The following PRELID2 variants were observed in gnomAD, a reference collection of about 807,000 sequenced individuals.
The protein encoded by PRELID2 is PRELI domain-containing protein 2.
In PRELID2, 25 loss-of-function variants were observed where a neutral mutation model predicts 28.4. The observed-to-expected ratio is 0.88, with a 90% confidence interval of 0.64 to 1.23. PRELID2 has a LOEUF of 1.23. PRELID2 is among the 50% of genes most tolerant of loss of function. The pLI is 0.00. For missense variants in PRELID2, 201 were observed against 214.4 expected, an observed-to-expected ratio of 0.94 and a Z score of 0.39; for synonymous variants, 76 against 71.6, an observed-to-expected ratio of 1.06 and a Z score of -0.31.
At chr5:145,267,611 A>T in the PRELID2 span, among the ~76,000 whole-genome samples, 1 of 152,212 alleles carries the variant, frequency 6.6e-6, no homozygotes, top group Admixed American at 6.5e-5. Context: ...ACAGTGCTGC[A>T]ATAAATGCAG....
chr5:145,275,496 G>C, the PRELID2 span, among the ~76,000 whole-genome samples: 1 of 152,182 alleles, frequency 6.6e-6, no homozygotes, highest in South Asian at 2.1e-4. Flanking sequence ...TGAGAAAATA[G>C]CATGTTTCCT....
chr5:145,401,753 T>C, the PRELID2 span, among the ~76,000 whole-genome samples: 15 of 151,860 alleles, frequency 9.9e-5, no homozygotes, highest in Non-Finnish European at 1.9e-4. Flanking sequence ...GTTTTTGTTA[T>C]GTATGTGTTT....
the PRELID2 span, among the ~76,000 whole-genome samples, chr5:145,375,594 C>G: frequency 2.0e-5 from 3 of 152,168 alleles, no homozygotes; most frequent in African/African-American, 7.2e-5. Context: ...GTCTGCTGAT[C>G]AGCAGAGACT....
At chr5:145,731,850 A>C (rs1756356813) in intron 1 of PRELID2, among the ~76,000 whole-genome samples, 1 of 152,186 alleles carries the variant, frequency 6.6e-6, no homozygotes. Context: ...AGTAGAAGGG[A>C]GATAAGGAGA....
At chr5:145,256,161 G>A in the PRELID2 span, among the ~76,000 whole-genome samples, 62 of 151,940 alleles carry the variant, frequency 4.1e-4, 1 homozygote, top group African/African-American at 1.2e-3. Context: ...TTTTCTTGCC[G>A]TATCAGCTTC....
chr5:145,570,993 C>T (rs1446560504), intron 1 of PRELID2, among the ~76,000 whole-genome samples: 1 of 152,186 alleles, frequency 6.6e-6, no homozygotes, highest in Non-Finnish European at 1.5e-5. Context: ...ACATGCTGGG[C>T]TCTTAATAAA....
chr5:145,518,145 ATAATAATAAT>A (rs1752534175), intron 1 of PRELID2, among the ~76,000 whole-genome samples: 1 of 73,300 alleles, frequency 1.4e-5, no homozygotes, highest in African/African-American at 6.7e-5. Context: ...TATAATAATA[ATAATAATAAT>A]AATAATAATA....
chr5:145,702,833 A>C (rs754199395), intron 1 of PRELID2, among the ~76,000 whole-genome samples: 3 of 152,220 alleles, frequency 2.0e-5, no homozygotes, highest in Non-Finnish European at 2.9e-5. Flanking sequence ...AGCAGCCAAA[A>C]GTCAGAGAAG....
intron 4 of PRELID2, among the ~76,000 whole-genome samples, chr5:145,809,517 C>T (rs780562100): frequency 6.6e-6 from 1 of 152,024 alleles, no homozygotes; most frequent in Non-Finnish European, 1.5e-5. Flanking sequence ...CCTGGGAGAG[C>T]TTTTGCTTTT....
intron 1 of PRELID2, among the ~76,000 whole-genome samples, chr5:145,644,455 A>G (rs545700315): frequency 1.2e-4 from 18 of 151,710 alleles, no homozygotes; most frequent in African/African-American, 3.9e-4. Context: ...GAACTTTTCA[A>G]AAAAAAACAG....
chr5:145,405,972 T>C, the PRELID2 span, among the ~76,000 whole-genome samples: 1 of 152,248 alleles, frequency 6.6e-6, no homozygotes, highest in African/African-American at 2.4e-5. Context: ...CCCAAAGTGC[T>C]GGGGTTACAG....
chr5:145,299,644 CGTGTGTGTGTGTGTGTGTGT>C, the PRELID2 span, among the ~76,000 whole-genome samples: 2 of 109,308 alleles, frequency 1.8e-5, no homozygotes, highest in African/African-American at 5.5e-5. Context: ...TATGTGTGTG[CGTGTGTGTGTGTGTGTGTGT>C]GTGTGTGTGT....
At chr5:145,508,264 A>ATAGAT (rs1442826548) in intron 1 of PRELID2, among the ~76,000 whole-genome samples, 1 of 145,376 alleles carries the variant, frequency 6.9e-6, no homozygotes, top group Non-Finnish European at 1.5e-5. Context: ...AGACAGATAG[A>ATAGAT]TAGATAGATA....
At chr5:145,657,284 T>C (rs1368245329) in intron 1 of PRELID2, among the ~76,000 whole-genome samples, 3 of 152,098 alleles carry the variant, frequency 2.0e-5, no homozygotes, top group Non-Finnish European at 4.4e-5. Flanking sequence ...TTTTTTAAAA[T>C]AGAAAATCAA....
rs1752564050 is a variant in PRELID2 at position 145,521,678 on chromosome 5, G to C, written n.71-48363C>G. 2.6e-5 allele frequency among the ~76,000 whole-genome samples: 4 copies of C among 152,152 alleles called. 1 individual carries two copies. In the South Asian group the frequency reaches 8.3e-4, roughly 32 times the overall value. Reference sequence around the variant, plus strand: ...TTTGTTCTTCAGGGAACAGGTAGCTGTCTATGGCAAGAAATGCAGCCTGGA... The same window carrying C: ...TTTGTTCTTCAGGGAACAGGTAGCTCTCTATGGCAAGAAATGCAGCCTGGA... On this transcript the variant is annotated intron_variant and non_coding_transcript_variant, in intron 1 of 2. Coordinates refer to the PRELID2 transcript ENST00000510259.
chr5:145,486,489 C>T (rs1054628371), intron 1 of PRELID2, among the ~76,000 whole-genome samples: 4 of 152,142 alleles, frequency 2.6e-5, no homozygotes, highest in African/African-American at 4.8e-5. Flanking sequence ...TTAAACTCTT[C>T]CTGCCAATCA....
At chr5:145,495,751 C>T (rs1052777299) in intron 1 of PRELID2, among the ~76,000 whole-genome samples, 18 of 152,092 alleles carry the variant, frequency 1.2e-4, no homozygotes, top group Non-Finnish European at 1.9e-4. Flanking sequence ...ATTAATAATG[C>T]TAGATTTAAT....
the PRELID2 span, among the ~76,000 whole-genome samples, chr5:145,286,934 T>C: frequency 3.3e-5 from 5 of 152,226 alleles, no homozygotes; most frequent in African/African-American, 1.2e-4. Flanking sequence ...GGTCTTGAAC[T>C]CCTGACCTCA....
Position 145,815,447 on chromosome 5 carries a change from G to A in PRELID2, c.368+2447C>T, listed in dbSNP as rs115377479. Among the ~76,000 whole-genome samples the A allele has an allele frequency of 2.6e-3, 402 of 152,242 alleles. 1 individual carries two copies. The highest frequency in any genetic ancestry group is 9.5e-3 in the African/African-American group (396 of 41,518). On this transcript the variant is annotated intron_variant, in intron 4 of 6. Coordinates refer to ENST00000683046, the MANE Select transcript of PRELID2 (RefSeq NM_205846.3). ...CTTACCATAAAATTCACCCTTTTAA[G>A]GTACACAATTCAGTGAGGTTTAGTA...
Sources: allele counts gnomAD v4.1 joint callset (sites outside exome capture counted in the v4.1 genomes callset), GRCh38; gene constraint gnomAD v4.1.1; transcripts MANE v1.5; gene names NCBI Gene and HGNC (gene_info 2026-07-23, HGNC 2026-07-21).